CPXM2: variants seen among roughly 807,000 people sequenced by gnomAD.
CPXM2 encodes carboxypeptidase X, M14 family member 2.
In CPXM2, 66 loss-of-function variants were observed where a neutral mutation model predicts 86.1. The ratio of observed to expected loss-of-function variants is 0.77; its 90% CI spans 0.63 to 0.94. The LOEUF (loss-of-function observed/expected upper bound fraction) is 0.94, where lower values mean the gene tolerates loss of function less well. Ranked by LOEUF, CPXM2 falls within the 40% of genes least tolerant of loss-of-function variation. The pLI, the probability that CPXM2 is intolerant of heterozygous loss-of-function variation, is 0.00. For synonymous variants in CPXM2, 388 were observed against 400.2 expected, an observed-to-expected ratio of 0.97 and a Z score of 0.36; for missense variants, 948 against 1,026.3, an observed-to-expected ratio of 0.92 and a Z score of 1.04.
At chr10:123,909,367 A>T (rs1590117221) in intron 2 of CPXM2, among the ~76,000 whole-genome samples, 1 of 152,100 alleles carries the variant, frequency 6.6e-6, no homozygotes, top group South Asian at 2.1e-4. Context: ...ACAAGGCTTA[A>T]TTTTTTTTCT....
intron 13 of CPXM2, among the ~76,000 whole-genome samples, chr10:123,748,051 C>T (rs939679774): frequency 6.6e-6 from 1 of 152,010 alleles, no homozygotes; most frequent in Non-Finnish European, 1.5e-5. Context: ...ACACCAGAGG[C>T]CATCTTGGGG....
chr10:123,928,738 G>A, intron 2 of CPXM2, among the ~76,000 whole-genome samples: 1 of 152,238 alleles, frequency 6.6e-6, no homozygotes, highest in African/African-American at 2.4e-5. Context: ...TGTTCAACAT[G>A]AGTGAATGAG....
In CPXM2 at chr10:123,820,343, G is replaced by A. The variant is rs528035087; in HGVS notation, c.654-21144C>T. Among the ~76,000 whole-genome samples the A allele has an allele frequency of 4.6e-5, 7 of 152,260 alleles. No homozygotes were observed. In the East Asian group the frequency reaches 9.7e-4, roughly 21 times the overall value. ...GCAGCACAGAGAAGCTCATAGAAGA[G>A]ACCCTCTGAGAGAGTCCCATCAGAG... On this transcript the variant is annotated intron_variant, in intron 4 of 13. Transcript: ENST00000241305.
At chr10:123,856,095 T>C (rs1007216766) in intron 3 of CPXM2, among the ~76,000 whole-genome samples, 3 of 152,196 alleles carry the variant, frequency 2.0e-5, no homozygotes, top group Non-Finnish European at 4.4e-5. Context: ...AAACATCAGC[T>C]GTTTCTTCCA....
chr10:123,903,081 T>C (rs1262341324), intron 2 of CPXM2, among the ~76,000 whole-genome samples: 1 of 152,172 alleles, frequency 6.6e-6, no homozygotes, highest in Admixed American at 6.5e-5. Flanking sequence ...CCTCCATGAT[T>C]GCAGCGGGTG....
At chr10:123,882,865 C>T (rs1945115133) in intron 1 of CPXM2, among the ~76,000 whole-genome samples, 1 of 151,168 alleles carries the variant, frequency 6.6e-6, no homozygotes. Flanking sequence ...CAGCCAGGCC[C>T]CACACTACAA....
intron 10 of CPXM2, among the ~76,000 whole-genome samples, chr10:123,764,217 G>C (rs1322193001): frequency 6.6e-6 from 1 of 151,922 alleles, no homozygotes; most frequent in Non-Finnish European, 1.5e-5. Flanking sequence ...CCAATTTGTA[G>C]CTTGTCACAG....
intron 1 of CPXM2, among the ~76,000 whole-genome samples, chr10:123,890,016 C>T (rs1036250424): frequency 2.0e-5 from 3 of 152,206 alleles, no homozygotes; most frequent in South Asian, 4.1e-4. Context: ...TTTCAAATAT[C>T]CCAAGCCAGC....
intron 1 of CPXM2, among the ~76,000 whole-genome samples, chr10:123,882,876 C>CT (rs1331558684): frequency 6.6e-6 from 1 of 150,780 alleles, no homozygotes; most frequent in Admixed American, 6.6e-5. Context: ...CACACTACAA[C>CT]ACCATGGCCC....
At chr10:123,875,429 A>C (rs1278980200) in intron 2 of CPXM2, among the ~76,000 whole-genome samples, 1 of 152,146 alleles carries the variant, frequency 6.6e-6, no homozygotes, top group East Asian at 1.9e-4. Context: ...CAGGCATGGC[A>C]GTTTATCATG....
intron 3 of CPXM2, 79 bp from the exon 4 acceptor site, chr10:123,842,567 GAGGA>G: frequency 1.4e-6 from 2 of 1,406,252 alleles, no homozygotes; most frequent in Non-Finnish European, 2.0e-6. Context: ...CTGAGGCTGA[GAGGA>G]AGGGAGGGAG....
chr10:123,868,747 G>A (rs564182551), intron 2 of CPXM2, among the ~76,000 whole-genome samples: 2 of 151,980 alleles, frequency 1.3e-5, no homozygotes, highest in Non-Finnish European at 2.9e-5. Flanking sequence ...CTAGAATCAC[G>A]TGCCCAGAAA....
intron 2 of CPXM2, chr10:123,931,374 G>T (rs2134287022): frequency 6.6e-6 from 1 of 152,336 alleles, no homozygotes; most frequent in South Asian, 2.1e-4. Context: ...ACATTAGCAA[G>T]CTTCATGTTT....
At chr10:123,818,505 T>C (rs1847859617) in intron 4 of CPXM2, among the ~76,000 whole-genome samples, 1 of 152,206 alleles carries the variant, frequency 6.6e-6, no homozygotes, top group Non-Finnish European at 1.5e-5. Flanking sequence ...CTGGAGTACA[T>C]GCTTATTGTG....
At chr10:123,923,441 C>T (rs887332198) in intron 2 of CPXM2, among the ~76,000 whole-genome samples, 49 of 150,104 alleles carry the variant, frequency 3.3e-4, no homozygotes, top group East Asian at 4.0e-4. Context: ...ATTAGCCGGG[C>T]GTGGTGGCGG....
chr10:123,887,227 C>T (rs28420144), intron 1 of CPXM2: 101,351 of 152,026 alleles, frequency 0.67, 34,940 homozygotes, highest in African/African-American at 0.79. Context: ...GTTAGAATCT[C>T]GCAATAAGCA....
At chr10:123,851,769 A>C (rs965357430) in intron 3 of CPXM2, among the ~76,000 whole-genome samples, 23 of 66,736 alleles carry the variant, frequency 3.4e-4, no homozygotes, top group Non-Finnish European at 5.6e-4. Flanking sequence ...ACATCATCTC[A>C]AAAAAAAAAA....
chr10:123,840,690 T>G (rs1320418905), intron 4 of CPXM2, among the ~76,000 whole-genome samples: 1 of 152,212 alleles, frequency 6.6e-6, no homozygotes, highest in Admixed American at 6.5e-5. Flanking sequence ...CACGGAATCA[T>G]GCATAATGTT....
chr10:123,768,488 C>A, intron 9 of CPXM2, 38 bp downstream of exon 9: 1 of 1,561,460 alleles, frequency 6.4e-7, no homozygotes, highest in South Asian at 1.2e-5. Context: ...GGCCTCGCTG[C>A]CCATGTCCTA....
Sources: allele counts gnomAD v4.1 joint callset (sites outside exome capture counted in the v4.1 genomes callset), GRCh38; gene constraint gnomAD v4.1.1; transcripts MANE v1.5; gene names NCBI Gene and HGNC (gene_info 2026-07-23, HGNC 2026-07-21).